Variants in DNMT1 observed in about 807,000 individuals in gnomAD.
DNMT1 encodes DNA methyltransferase 1.
In DNMT1, 24 loss-of-function variants were observed where a neutral mutation model predicts 205.3. That is an observed-to-expected ratio of 0.12 (90% CI 0.08 to 0.16). DNMT1 has a LOEUF of 0.16. DNMT1 is among the 10% of genes least tolerant of loss of function. The pLI, the probability that DNMT1 is intolerant of heterozygous loss-of-function variation, is 1.00. For synonymous variants in DNMT1, 817 were observed against 839.8 expected (o/e 0.97, Z 0.47); for missense variants, 1,293 against 2,177.7 (o/e 0.59, Z 8.09).
At position 10,194,703 on chromosome 19, in the gene DNMT1, C is replaced by T. The variant is rs2039370700; in HGVS notation, c.80+117G>A. 5 of 1,373,658 alleles carry T rather than the reference C, an allele frequency of 3.6e-6. 1 individual carries two copies. The Admixed American group carries it at 8.1e-5, about 22-fold the overall frequency. The allele number at this position is 1,373,658 out of a possible 1,614,324, so 85.1% of individuals were successfully genotyped here. On this transcript the variant is annotated intron_variant, in intron 1 of 40. Transcript: ENST00000359526. ...CAACTGCCGCTGCGCGCCGCACCAC[C>T]CCACGCATGCGCGCCCGTCTGTCAG...
chr19:10,134,047 G>A (rs181852258), intron 40 of DNMT1, among the ~76,000 whole-genome samples, 170 bp downstream of exon 40: 14 of 152,314 alleles, frequency 9.2e-5, no homozygotes, highest in Admixed American at 3.9e-4. Flanking sequence ...CACTTGACAC[G>A]TGCAACTCAC....
intron 1 of DNMT1, among the ~76,000 whole-genome samples, chr19:10,194,000 A>G (rs868707082): frequency 2.1e-4 from 32 of 152,182 alleles, no homozygotes; most frequent in African/African-American, 7.2e-4. Flanking sequence ...CTCCAACATT[A>G]GACACACACT....
intron 14 of DNMT1, 134 bp downstream of exon 14, chr19:10,160,250 C>T (rs2038540860): frequency 1.3e-6 from 2 of 1,521,272 alleles, no homozygotes; most frequent in Admixed American, 1.8e-5. Context: ...GCACCTTGGT[C>T]CTATGTTCAC....
At chr19:10,147,649 C>T (rs1003385673) in intron 27 of DNMT1, among the ~76,000 whole-genome samples, 10 of 151,866 alleles carry the variant, frequency 6.6e-5, no homozygotes, top group African/African-American at 2.4e-4. Context: ...GAGATCAAGC[C>T]AAAGCTAGCA....
intron 39 of DNMT1, among the ~76,000 whole-genome samples, chr19:10,134,761 G>A (rs1335640830): frequency 6.6e-6 from 1 of 152,046 alleles, no homozygotes; most frequent in Non-Finnish European, 1.5e-5. Context: ...AGGAGGCTGA[G>A]GCAGGAGAAT....
rs1599397601 is a variant in DNMT1, at chr19:10,180,892, G to C, written c.118-7C>G. ...ATTTCTCCTTCACACATTCCTAAGG[G>C]AAGGATATAGGTTTAGCAGTACCCA... On this transcript the variant is annotated splice_polypyrimidine_tract_variant and splice_region_variant and intron_variant, in intron 2 of 40. Transcript: ENST00000359526. 6.2e-6 allele frequency: 10 copies of C among 1,612,768 alleles called. No individual in the cohort carries two copies. Among genetic ancestry groups the C allele is most frequent in the Non-Finnish European group, 7.6e-6 (9 of 1,178,862 alleles).
At chr19:10,181,847 C>CA (rs1044345167) in intron 2 of DNMT1, among the ~76,000 whole-genome samples, 194 bp downstream of exon 2, 18 of 149,968 alleles carry the variant, frequency 1.2e-4, no homozygotes, top group East Asian at 3.9e-4. Context: ...AAAACAACAA[C>CA]AAAAAAAAAC....
intron 1 of DNMT1, among the ~76,000 whole-genome samples, chr19:10,188,462 C>T (rs570630755): frequency 1.3e-3 from 191 of 151,954 alleles, no homozygotes; most frequent in South Asian, 6.0e-3. Flanking sequence ...ATCATTTGAA[C>T]CCAGGAAGCA....
chr19:10,191,206 G>A (rs1568263223), intron 1 of DNMT1, among the ~76,000 whole-genome samples: 2 of 151,722 alleles, frequency 1.3e-5, no homozygotes, highest in Non-Finnish European at 1.5e-5. Flanking sequence ...GCTTAAACCC[G>A]GGAAGCGGAG....
chr19:10,174,845 G>T (rs1025062005), intron 7 of DNMT1, among the ~76,000 whole-genome samples: 2 of 151,404 alleles, frequency 1.3e-5, no homozygotes, highest in Non-Finnish European at 2.9e-5. Flanking sequence ...ACCAGCCTGG[G>T]CAACATGGGA....
chr19:10,160,515 A>G, intron 13 of DNMT1, 97 bp from the exon 14 acceptor site: 1 of 1,377,982 alleles, frequency 7.3e-7, no homozygotes, highest in Non-Finnish European at 1.0e-6. Context: ...TGATTATCAT[A>G]AAACAGAGAG....
At chr19:10,172,538 T>C (rs917484955) in intron 9 of DNMT1, among the ~76,000 whole-genome samples, 1 of 151,956 alleles carries the variant, frequency 6.6e-6, no homozygotes, top group Admixed American at 6.6e-5. Flanking sequence ...TTAAGTGGCA[T>C]AGGTTGGCCG....
chr19:10,187,914 G>A (rs1291501039), intron 1 of DNMT1, among the ~76,000 whole-genome samples: 10 of 151,964 alleles, frequency 6.6e-5, no homozygotes, highest in Admixed American at 2.6e-4. Flanking sequence ...AAGCCAAAGC[G>A]GGAGGATCAA....
At chr19:10,185,949 G>A (rs142119102) in intron 1 of DNMT1, among the ~76,000 whole-genome samples, 1 of 152,138 alleles carries the variant, frequency 6.6e-6, no homozygotes, top group East Asian at 1.9e-4. Flanking sequence ...GGGGTCCAAG[G>A]AGAGCCTTAA....
In DNMT1 at chr19:10,141,123, C is replaced by G; in HGVS notation, c.3376G>C (p.Gly1126Arg). Residue 1126 changes from glycine to arginine, a missense_variant, in exon 31 of 41, where the codon GGG becomes CGG. Gly to Arg is a moderately radical substitution (Grantham distance 125). Coordinates refer to ENST00000359526, the MANE Select transcript of DNMT1 (RefSeq NM_001130823.3). ...PNHARSPGNK[G>R]KGKGKGKGKP... ...GACGTACCTTTTCCCTTGCCCTTCCCTTTGTTTCCAGGGCTACGGGCATGG... is the reference window on the plus strand; with the variant it reads ...GACGTACCTTTTCCCTTGCCCTTCCGTTTGTTTCCAGGGCTACGGGCATGG... The G allele has an allele frequency of 6.2e-7, 1 of 1,614,056 alleles. No individual in the cohort carries two copies. Among genetic ancestry groups the G allele is most frequent in the Non-Finnish European group, 8.5e-7 (1 of 1,180,034 alleles).
Position 10,133,605 on chromosome 19 carries a change from C to A in DNMT1, c.*62G>T. ...AACGGACAGATTGACATGTTAAAAA[C>A]ACAACATCAGTGCATGTTGGGGATT... On this transcript the variant is annotated 3_prime_UTR_variant, in exon 41 of 41. Coordinates refer to ENST00000359526, the MANE Select transcript of DNMT1 (RefSeq NM_001130823.3). This position sits in a 1 kb window ranked among gnomAD's most constrained non-coding sequence, Gnocchi z 4.1. 6.4e-7 allele frequency: 1 copy of A among 1,553,564 alleles called. No individual in the cohort carries two copies. Among genetic ancestry groups the A allele is most frequent in the East Asian group, 2.4e-5 (1 of 42,172 alleles).
rs751913403 is a variant in DNMT1, at chr19:10,175,563, T to G, written c.625A>C (p.Ile209Leu). ...ACCTGGTCTTTGTCTTCTTCCTTGATGGACTCATCCGATTTGGCTCTTTCA... is the reference window on the plus strand; with the variant it reads ...ACCTGGTCTTTGTCTTCTTCCTTGAGGGACTCATCCGATTTGGCTCTTTCA... ...ESERAKSDESIKEEDKDQDEK... is the reference protein window; with the variant it reads ...ESERAKSDESLKEEDKDQDEK... The change falls in exon 7 of 41, where the codon ATC (isoleucine) becomes CTC (leucine). Residue 209 changes from isoleucine (I) to leucine (L), a missense_variant. By Grantham distance (5) the Ile-to-Leu change is conservative (BLOSUM62 2). Coordinates refer to ENST00000359526, the MANE Select transcript of DNMT1 (RefSeq NM_001130823.3). 1 of 1,613,948 alleles carries G rather than the reference T, an allele frequency of 6.2e-7. No homozygotes were observed. The highest frequency in any genetic ancestry group is 1.3e-5 in the African/African-American group (1 of 74,934).
At chr19:10,162,547 G>C (rs1353290993) in intron 13 of DNMT1, 120 bp downstream of exon 13, 3 of 1,049,858 alleles carry the variant, frequency 2.9e-6, no homozygotes, top group South Asian at 1.5e-5. Flanking sequence ...TGGGATTACA[G>C]GCGTGCGCCA....
chr19:10,139,571 G>A, intron 34 of DNMT1, 105 bp downstream of exon 34: 2 of 1,525,424 alleles, frequency 1.3e-6, no homozygotes, highest in Non-Finnish European at 8.8e-7. Context: ...CTGCCTGGAT[G>A]GCAGGCCTAT....
Sources: gnomAD v4.1 joint callset for allele counts (sites outside exome capture counted in the v4.1 genomes callset) on GRCh38, gnomAD v4.1.1 for gene constraint, Gnocchi (gnomAD v3.1) non-coding constraint, MANE v1.5 for transcripts, NCBI Gene and HGNC (gene_info 2026-07-23, HGNC 2026-07-21) for gene names.